BAG1: variants seen among roughly 807,000 people sequenced by gnomAD.
BAG1 encodes BAG family molecular chaperone regulator 1.
BAG1 carries 35 observed loss-of-function variants against 35.5 expected under a neutral mutation model. The ratio of observed to expected loss-of-function variants is 0.99; its 90% confidence interval spans 0.75 to 1.31. The LOEUF (loss-of-function observed/expected upper bound fraction) is 1.31. Ranked by LOEUF, BAG1 falls within the 50% of genes most tolerant of loss-of-function variation. BAG1 has a pLI of 0.00. For synonymous variants in BAG1, 191 were observed against 178.9 expected, an observed-to-expected ratio of 1.07 and a Z score of -0.54; for missense variants, 464 against 453.6, an observed-to-expected ratio of 1.02 and a Z score of -0.21.
rs534337257 is a variant in BAG1, at chr9:33,261,813, A to T, written c.581-644T>A. 13 of 914,600 alleles carry T rather than the reference A, an allele frequency of 1.4e-5. No homozygotes were observed. The South Asian group carries it at 5.0e-4, about 35-fold the overall frequency. 56.7% of individuals were successfully genotyped at this position (914,600 alleles called of 1,614,324 possible). Reference sequence around the variant, plus strand: ...GATAGATTCTCAGGGGGGTGGGAAGACAGAGGGCAGGGGCCAGGAGGGTGT... The same window carrying T: ...GATAGATTCTCAGGGGGGTGGGAAGTCAGAGGGCAGGGGCCAGGAGGGTGT... On this transcript the variant is annotated intron_variant, in intron 2 of 6. Transcript: ENST00000634734.
chr9:33,261,879 G>A (rs771076672), intron 2 of BAG1: 75 of 985,106 alleles, frequency 7.6e-5, no homozygotes, highest in Admixed American at 3.7e-4. Context: ...CACTGAGCCC[G>A]CCACATCCAG....
At position 33,253,813 on chromosome 9, in the gene BAG1, AAC is replaced by A. The variant is rs1241036170; in HGVS notation, c.*1404_*1405del. On this transcript the variant is annotated 3_prime_UTR_variant, in exon 7 of 7. Transcript: ENST00000634734. The stretch of plus-strand genomic sequence containing the variant: ...TCTTCTACTTTATGATGAGCACATA[AAC>A]AGTTTTTTTTTCTTTTTATTTATCT... 1.3e-5 allele frequency: 2 copies of A among 151,842 alleles called. No homozygotes were observed. Among genetic ancestry groups the A allele is most frequent in the African/African-American group, 4.8e-5 (2 of 41,300 alleles). The allele number at this position is 151,842 out of a possible 1,614,324, so 9.4% of individuals were successfully genotyped here.
intron 1 of BAG1, 43 bp from the exon 2 acceptor site, chr9:33,262,873 A>T (rs1820607273): frequency 6.2e-7 from 1 of 1,607,344 alleles, no homozygotes; most frequent in African/African-American, 1.3e-5. Flanking sequence ...ATTCTTTCAC[A>T]TACACCAATA....
At chr9:33,259,641 A>G (rs1820528035) in intron 3 of BAG1, 1 of 152,294 alleles carries the variant, frequency 6.6e-6, no homozygotes, top group African/African-American at 2.4e-5. Flanking sequence ...TCAGCCCTAT[A>G]CTGATCAACA....
intron 1 of BAG1, among the ~76,000 whole-genome samples, chr9:33,263,304 G>A (rs941052748): frequency 1.3e-5 from 2 of 152,114 alleles, no homozygotes; most frequent in Non-Finnish European, 2.9e-5. Context: ...TATTGGTCTC[G>A]TCTCGCTTGC....
At chr9:33,255,474 G>A (rs1222961481) in intron 6 of BAG1, among the ~76,000 whole-genome samples, 166 bp from the exon 7 acceptor site, 2 of 152,224 alleles carry the variant, frequency 1.3e-5, no homozygotes, top group African/African-American at 4.8e-5. Flanking sequence ...TAAGGGGAGG[G>A]AGGGAGCATA....
intron 3 of BAG1, 61 bp downstream of exon 3, chr9:33,261,026 A>C (rs1820556910): frequency 7.1e-7 from 1 of 1,415,712 alleles, no homozygotes; most frequent in East Asian, 2.3e-5. Flanking sequence ...CTAAACAGAA[A>C]CATGTATAAA....
At chr9:33,260,803 C>T (rs1373577337) in intron 3 of BAG1, among the ~76,000 whole-genome samples, 1 of 152,158 alleles carries the variant, frequency 6.6e-6, no homozygotes, top group African/African-American at 2.4e-5. Context: ...GTCCCAGGCA[C>T]CATTTTAACC....
At chr9:33,263,598 C>T (rs905865178) in intron 1 of BAG1, among the ~76,000 whole-genome samples, 3 of 151,944 alleles carry the variant, frequency 2.0e-5, no homozygotes, top group African/African-American at 7.3e-5. Flanking sequence ...TTAGAAGAAG[C>T]CGTCCATCCC....
chr9:33,257,022 C>T, intron 4 of BAG1, 114 bp from the exon 5 acceptor site: 3 of 740,550 alleles, frequency 4.1e-6, no homozygotes, highest in Non-Finnish European at 6.9e-6. Context: ...GCAGGCCAGG[C>T]CACATCTCAG....
intron 2 of BAG1, chr9:33,262,107 A>T (rs1255878977): frequency 2.3e-6 from 3 of 1,289,076 alleles, no homozygotes; most frequent in Non-Finnish European, 3.0e-6. Context: ...GATCTAACCT[A>T]GCGAGGGAAG....
rs1421388081 is a variant in BAG1 at position 33,262,827 on chromosome 9, T to C, written c.455A>G (p.Asn152Ser). The stretch of plus-strand genomic sequence containing the variant: ...GGTAACATGAAGGTCGTGCTTCTCA[T>C]TGCCTGGGGAGAAAGAAAAGCATTT... Residue 152 changes from asparagine (N) to serine (S), a missense_variant, in exon 2 of 7, where the codon AAT (asparagine) becomes AGT (serine). By Grantham distance (46) the Asn-to-Ser change is conservative (BLOSUM62 1). Transcript: ENST00000634734. The C allele has an allele frequency of 3.1e-6, 5 of 1,611,864 alleles. No homozygotes were observed. The highest frequency in any genetic ancestry group is 3.4e-5 in the Admixed American group (2 of 59,370).
Position 33,255,282 on chromosome 9 carries a change from C to T in BAG1, c.975G>A (p.Val325=). Residue 325 remains valine (V), a synonymous_variant, in exon 7 of 7, where the codon GTG becomes GTA. Transcript: ENST00000634734. ...CAGTCTCCTGGCAGATGTTCTGCTC[C>T]ACTGTGTCACACTCGGCTAGGAATG... 2.5e-6 allele frequency: 4 copies of T among 1,614,254 alleles called. No individual in the cohort carries two copies. Among genetic ancestry groups the T allele is most frequent in the Non-Finnish European group, 3.4e-6 (4 of 1,180,048 alleles).
At chr9:33,262,901 A>C (rs1043346794) in intron 1 of BAG1, 71 bp from the exon 2 acceptor site, 9 of 1,573,152 alleles carry the variant, frequency 5.7e-6, no homozygotes, top group Non-Finnish European at 6.9e-6. Flanking sequence ...ACACTTTATC[A>C]CATTTATTTA....
chr9:33,264,697 G>A lies in BAG1; in HGVS notation c.-23C>T, dbSNP rs1157223247. The A allele has an allele frequency of 7.4e-7, 1 of 1,360,298 alleles. No homozygotes were observed. The highest frequency in any genetic ancestry group is 1.5e-5 in the African/African-American group (1 of 66,038). The allele number at this position is 1,360,298 out of a possible 1,614,324, so 84.3% of individuals were successfully genotyped here. A position where few individuals can be genotyped will look rare whatever the true frequency, so the allele number is the denominator to read the frequency against. ...CAGGCCCGCACTTGTTGACCGCCCA[G>A]CGATGGAAGCTGAGCGCGGCGTCTC... is the stretch of plus-strand genomic sequence containing the variant. On this transcript the variant is annotated 5_prime_UTR_variant, in exon 1 of 7. Coordinates refer to ENST00000634734, the MANE Select transcript of BAG1 (RefSeq NM_004323.6).
In BAG1 at chr9:33,264,592, C is replaced by A; in HGVS notation, c.83G>T (p.Arg28Leu). 7.2e-7 allele frequency: 1 copy of A among 1,391,028 alleles called. No homozygotes were observed. The highest frequency in any genetic ancestry group is 1.6e-5 in the South Asian group (1 of 61,358). 86.2% of individuals were successfully genotyped at this position (1,391,028 alleles called of 1,614,324 possible). Residue 28 changes from arginine (R) to leucine (L), a missense_variant, in exon 1 of 7, where the codon CGG becomes CTG. Transcript: ENST00000634734. Reference sequence around the variant, plus strand: ...CGGGGGCTCCGACTGGCGCGGCTCCCGGCCTGGCCGAAGGGCGCGCAGCCG... The same window carrying A: ...CGGGGGCTCCGACTGGCGCGGCTCCAGGCCTGGCCGAAGGGCGCGCAGCCG...
At chr9:33,260,978 T>G in intron 3 of BAG1, 109 bp downstream of exon 3, 1 of 830,060 alleles carries the variant, frequency 1.2e-6, no homozygotes, top group Admixed American at 2.6e-5. Context: ...TAGAGAGGTG[T>G]TTTATCAATG....
In BAG1 at chr9:33,255,933, G is replaced by A. The variant is rs1414828924; in HGVS notation, c.886-6C>T. 1.2e-6 allele frequency: 2 copies of A among 1,609,704 alleles called. No individual in the cohort carries two copies. The highest frequency in any genetic ancestry group is 2.7e-5 in the African/African-American group (2 of 74,778). ...TTGAAATTTTCTGGCAGGATCTATG[G>A]AAGAGTAAGTTGATAATACAAGTTA... On this transcript the variant is annotated splice_polypyrimidine_tract_variant and splice_region_variant and intron_variant, in intron 5 of 6. Transcript: ENST00000634734.
At chr9:33,255,420 G>A in intron 6 of BAG1, 112 bp from the exon 7 acceptor site, 1 of 1,527,362 alleles carries the variant, frequency 6.5e-7, no homozygotes, top group Admixed American at 1.8e-5. Flanking sequence ...ACTCAAAACA[G>A]ATTGTGCATG....
Sources: gnomAD v4.1 joint callset for allele counts (sites outside exome capture counted in the v4.1 genomes callset) on GRCh38, gnomAD v4.1.1 for gene constraint, MANE v1.5 for transcripts, NCBI Gene and HGNC (gene_info 2026-07-23, HGNC 2026-07-21) for gene names.